CSMD1: variants seen among roughly 807,000 people sequenced by gnomAD.
CSMD1 encodes the protein CUB and Sushi multiple domains 1.
CSMD1 carries 213 observed loss-of-function variants against 417.5 expected under a neutral mutation model. The observed-to-expected ratio is 0.51, with a 90% CI of 0.46 to 0.57. The LOEUF (loss-of-function observed/expected upper bound fraction) is 0.57, where lower values mean the gene tolerates loss of function less well. Ranked by LOEUF, CSMD1 falls within the 20% of genes least tolerant of loss-of-function variation. The pLI is 0.00. For missense variants in CSMD1, 6,923 were observed against 4,529.7 expected, an observed-to-expected ratio of 1.53 and a Z score of -15.17; for synonymous variants, 2,862 against 1,736.8, an observed-to-expected ratio of 1.65 and a Z score of -16.11.
chr8:3,491,630 A>C (rs1162371023), intron 11 of CSMD1, among the ~76,000 whole-genome samples: 1 of 152,180 alleles, frequency 6.6e-6, no homozygotes, highest in Non-Finnish European at 1.5e-5. Flanking sequence ...TCCCTGGTGG[A>C]GTCCTCTTCT....
intron 1 of CSMD1, among the ~76,000 whole-genome samples, chr8:4,896,108 C>G (rs1278569299): frequency 1.3e-5 from 2 of 152,096 alleles, no homozygotes; most frequent in African/African-American, 2.4e-5. Flanking sequence ...TTTCTGCCTT[C>G]TGAAATCAAT....
At chr8:3,935,583 G>C (rs1431335585) in intron 5 of CSMD1, among the ~76,000 whole-genome samples, 1 of 152,086 alleles carries the variant, frequency 6.6e-6, no homozygotes, top group East Asian at 1.9e-4. Flanking sequence ...ATGGTGATCT[G>C]TCATCAGTAA....
chr8:4,159,361 G>C lies in CSMD1; in HGVS notation c.416-127262C>G, dbSNP rs967139201. On this transcript the variant is annotated intron_variant, in intron 3 of 69. Coordinates refer to ENST00000635120, the MANE Select transcript of CSMD1 (RefSeq NM_033225.6). Reference sequence around the variant, plus strand: ...AAATGGAGGAAATATTTTTATTTGTGATTCAGTAATCCCACTATGTGATAT... The same window carrying C: ...AAATGGAGGAAATATTTTTATTTGTCATTCAGTAATCCCACTATGTGATAT... Among the ~76,000 whole-genome samples the C allele has an allele frequency of 7.9e-5, 12 of 152,250 alleles. No homozygotes were observed. The East Asian group carries it at 2.3e-3, about 29-fold the overall frequency.
intron 5 of CSMD1, among the ~76,000 whole-genome samples, chr8:3,981,605 C>G (rs1478611465): frequency 6.7e-6 from 1 of 150,046 alleles, no homozygotes; most frequent in South Asian, 2.1e-4. Context: ...TAAATTGTAT[C>G]AATTAGAGCA....
intron 3 of CSMD1, among the ~76,000 whole-genome samples, chr8:4,192,637 G>T (rs543341459): frequency 6.6e-6 from 1 of 152,180 alleles, no homozygotes; most frequent in African/African-American, 2.4e-5. Flanking sequence ...GGGCATATTT[G>T]CTCAGGGATC....
intron 11 of CSMD1, among the ~76,000 whole-genome samples, chr8:3,473,745 T>C (rs1156350661): frequency 1.3e-5 from 2 of 152,186 alleles, no homozygotes; most frequent in African/African-American, 2.4e-5. Flanking sequence ...GGGTGGTGTC[T>C]GTATGGGTGT....
chr8:4,450,288 G>A (rs1056811414), intron 2 of CSMD1, among the ~76,000 whole-genome samples: 2 of 152,274 alleles, frequency 1.3e-5, no homozygotes, highest in East Asian at 3.9e-4. Flanking sequence ...GGAGAAAGCT[G>A]TGCACTGTTT....
At chr8:4,153,992 A>G (rs1321862232) in intron 3 of CSMD1, among the ~76,000 whole-genome samples, 2 of 152,200 alleles carry the variant, frequency 1.3e-5, no homozygotes, top group Admixed American at 6.5e-5. Context: ...GCAGAATCCA[A>G]TGATAGCTTT....
At chr8:3,476,661 A>G (rs1394627512) in intron 11 of CSMD1, among the ~76,000 whole-genome samples, 2 of 152,102 alleles carry the variant, frequency 1.3e-5, no homozygotes, top group African/African-American at 2.4e-5. Flanking sequence ...TTACTCCTGT[A>G]ATGCCAGCAC....
chr8:3,515,362 A>C (rs868479840), intron 10 of CSMD1: 4 of 152,366 alleles, frequency 2.6e-5, no homozygotes, highest in Middle Eastern at 3.4e-3. Context: ...CCACTGTGCA[A>C]GATCAACAAA....
chr8:4,087,394 G>A (rs577824459), intron 3 of CSMD1, among the ~76,000 whole-genome samples: 13 of 152,168 alleles, frequency 8.5e-5, no homozygotes, highest in African/African-American at 3.1e-4. Flanking sequence ...ACACATAGCT[G>A]TTCTTGCATT....
At chr8:3,327,845 C>T (rs900408688) in intron 23 of CSMD1, among the ~76,000 whole-genome samples, 14 of 152,070 alleles carry the variant, frequency 9.2e-5, no homozygotes, top group African/African-American at 2.9e-4. Context: ...TTCTCTTCAC[C>T]TGCATATGCC....
chr8:4,023,343 T>G (rs779062906), intron 4 of CSMD1, among the ~76,000 whole-genome samples: 1 of 152,194 alleles, frequency 6.6e-6, no homozygotes, highest in Non-Finnish European at 1.5e-5. Flanking sequence ...CCATTAATAC[T>G]GTATTAATGA....
intron 10 of CSMD1, among the ~76,000 whole-genome samples, chr8:3,518,526 C>G (rs1797374724): frequency 6.6e-6 from 1 of 152,056 alleles, no homozygotes; most frequent in Non-Finnish European, 1.5e-5. Flanking sequence ...CTAAAATGAT[C>G]AATGATTGCC....
Position 3,392,954 on chromosome 8 carries a change from C to A in CSMD1, c.2593+3240G>T, listed in dbSNP as rs1261982705. On this transcript the variant is annotated intron_variant, in intron 17 of 69. Transcript: ENST00000635120. ...CCTTAGGTGCAGGGCTGGTGATAAG[C>A]ACTCATAAAATCCCAGGCCTTTCCT... 2.0e-5 allele frequency among the ~76,000 whole-genome samples: 3 copies of A among 152,138 alleles called. 1 individual carries two copies. In the East Asian group the frequency reaches 5.8e-4, roughly 29 times the overall value.
chr8:3,935,538 T>A (rs1810431640), intron 5 of CSMD1, among the ~76,000 whole-genome samples: 1 of 152,178 alleles, frequency 6.6e-6, no homozygotes, highest in Non-Finnish European at 1.5e-5. Context: ...ACTTTCATAA[T>A]AACCCAGGCT....
At chr8:3,262,230 T>TATATATATACACAC (rs770901446) in intron 26 of CSMD1, among the ~76,000 whole-genome samples, 3 of 95,680 alleles carry the variant, frequency 3.1e-5, no homozygotes, top group Non-Finnish European at 4.1e-5. Flanking sequence ...TATATATATA[T>TATATATATACACAC]ACACACACAT....
intron 3 of CSMD1, among the ~76,000 whole-genome samples, chr8:4,348,665 G>C (rs1240770123): frequency 6.6e-6 from 1 of 150,460 alleles, no homozygotes; most frequent in Non-Finnish European, 1.5e-5. Context: ...GAGAGAGAGA[G>C]AGAGACTCTT....
At chr8:4,317,751 G>A (rs1048395836) in intron 3 of CSMD1, among the ~76,000 whole-genome samples, 8 of 152,094 alleles carry the variant, frequency 5.3e-5, no homozygotes, top group African/African-American at 1.7e-4. Context: ...TACCATTTAG[G>A]TTACTTCCAC....
Sources: allele counts gnomAD v4.1 joint callset (sites outside exome capture counted in the v4.1 genomes callset), GRCh38; gene constraint gnomAD v4.1.1; transcripts MANE v1.5; gene names NCBI Gene and HGNC (gene_info 2026-07-23, HGNC 2026-07-21).